The following SPTLC2 variants were observed in gnomAD, a reference collection of about 807,000 sequenced individuals.
SPTLC2 encodes the protein serine palmitoyltransferase long chain base subunit 2, also known as serine palmitoyltransferase 2.
In SPTLC2, 21 loss-of-function variants were observed where a neutral mutation model predicts 62.0. The ratio of observed to expected loss-of-function variants is 0.34; its 90% confidence interval spans 0.24 to 0.49. The LOEUF (loss-of-function observed/expected upper bound fraction) is 0.49. SPTLC2 is among the 20% of genes least tolerant of loss of function. The pLI, the probability that SPTLC2 is intolerant of heterozygous loss-of-function variation, is 0.99. For synonymous variants in SPTLC2, 261 were observed against 261.8 expected, an observed-to-expected ratio of 1.00 and a Z score of 0.03; for missense variants, 511 against 713.0, an observed-to-expected ratio of 0.72 and a Z score of 3.23.
At chr14:77,566,902 TG>T (rs1247627471) in intron 5 of SPTLC2, among the ~76,000 whole-genome samples, 1 of 152,228 alleles carries the variant, frequency 6.6e-6, no homozygotes, top group Non-Finnish European at 1.5e-5. Flanking sequence ...TCATTAAAAC[TG>T]GATAAGTTAC....
chr14:77,573,074 G>C (rs561539912), intron 4 of SPTLC2, among the ~76,000 whole-genome samples: 1 of 152,132 alleles, frequency 6.6e-6, no homozygotes, highest in Non-Finnish European at 1.5e-5. Context: ...ATTGCTTGGT[G>C]TAAGAGGCCT....
At chr14:77,555,750 G>A (rs1212930620) in intron 7 of SPTLC2, among the ~76,000 whole-genome samples, 1 of 151,828 alleles carries the variant, frequency 6.6e-6, no homozygotes, top group African/African-American at 2.4e-5. Flanking sequence ...CAAGTAGCTG[G>A]GACTAGAGGT....
At chr14:77,552,481 C>A (rs966524554) in intron 8 of SPTLC2, among the ~76,000 whole-genome samples, 2 of 152,090 alleles carry the variant, frequency 1.3e-5, no homozygotes, top group African/African-American at 4.8e-5. Flanking sequence ...TTTAAAACAA[C>A]CCCTCTAAAT....
At chr14:77,527,579 G>T (rs1243101129) in intron 9 of SPTLC2, among the ~76,000 whole-genome samples, 1 of 152,170 alleles carries the variant, frequency 6.6e-6, no homozygotes, top group Non-Finnish European at 1.5e-5. Context: ...ATTTTATCAA[G>T]TCTTAATCCA....
At chr14:77,522,651 A>G (rs934467196) in intron 9 of SPTLC2, among the ~76,000 whole-genome samples, 20 of 152,216 alleles carry the variant, frequency 1.3e-4, no homozygotes, top group African/African-American at 3.6e-4. Context: ...CTTTGAAAAG[A>G]TATCCAAACA....
At chr14:77,570,303 G>C (rs1039450719) in intron 5 of SPTLC2, 81 bp downstream of exon 5, 98 of 1,559,410 alleles carry the variant, frequency 6.3e-5, no homozygotes, top group Non-Finnish European at 7.7e-5. Flanking sequence ...GTTTATAACA[G>C]CTTTTAGCTC....
intron 9 of SPTLC2, among the ~76,000 whole-genome samples, chr14:77,543,210 C>A (rs991996659): frequency 6.6e-6 from 1 of 152,120 alleles, no homozygotes; most frequent in Admixed American, 6.6e-5. Context: ...CCACCACACC[C>A]GGCTAATTTT....
chr14:77,596,182 A>G (rs2079846014), intron 2 of SPTLC2, among the ~76,000 whole-genome samples: 1 of 151,872 alleles, frequency 6.6e-6, no homozygotes, highest in Non-Finnish European at 1.5e-5. Flanking sequence ...CTAAAAACAC[A>G]AAAAAAATTA....
At chr14:77,583,155 G>C (rs1042938612) in intron 2 of SPTLC2, among the ~76,000 whole-genome samples, 1 of 151,246 alleles carries the variant, frequency 6.6e-6, no homozygotes, top group African/African-American at 2.4e-5. Context: ...AGCCAAGATC[G>C]GACCACTGCA....
chr14:77,603,485 CT>C (rs1194247484), intron 1 of SPTLC2, among the ~76,000 whole-genome samples: 1 of 152,198 alleles, frequency 6.6e-6, no homozygotes, highest in African/African-American at 2.4e-5. Flanking sequence ...CAGTTTGGAG[CT>C]TTACACAAAT....
chr14:77,540,205 CAAAAAAAAAAA>C (rs34847653), intron 9 of SPTLC2, among the ~76,000 whole-genome samples: 1 of 87,716 alleles, frequency 1.1e-5, no homozygotes, highest in African/African-American at 4.3e-5. Flanking sequence ...ACTCTTGTCT[CAAAAAAAAAAA>C]AAAAAAAAAA....
intron 1 of SPTLC2, among the ~76,000 whole-genome samples, 165 bp downstream of exon 1, chr14:77,616,283 A>C (rs1047651912): frequency 5.9e-5 from 9 of 152,126 alleles, no homozygotes; most frequent in Non-Finnish European, 1.0e-4. Context: ...TTGAGCCTCC[A>C]GGCTCGTGGA....
At chr14:77,576,686 T>C (rs1305334820) in intron 4 of SPTLC2, 81 bp downstream of exon 4, 1 of 1,580,236 alleles carries the variant, frequency 6.3e-7, no homozygotes, top group Non-Finnish European at 8.7e-7. Flanking sequence ...TATTTAATAC[T>C]CTAGGTCAAT....
At chr14:77,604,438 T>C (rs966583008) in intron 1 of SPTLC2, among the ~76,000 whole-genome samples, 1 of 152,260 alleles carries the variant, frequency 6.6e-6, no homozygotes, top group Non-Finnish European at 1.5e-5. Flanking sequence ...ACTCAGTTTC[T>C]GTTGCTCTCA....
chr14:77,515,325 C>CCCA (rs2079353067), intron 11 of SPTLC2, among the ~76,000 whole-genome samples: 1 of 152,114 alleles, frequency 6.6e-6, no homozygotes, highest in South Asian at 2.1e-4. Flanking sequence ...CTTAGGGTCT[C>CCCA]CCAGTCCATT....
intron 9 of SPTLC2, among the ~76,000 whole-genome samples, chr14:77,528,783 T>A (rs2079421583): frequency 6.6e-6 from 1 of 151,772 alleles, no homozygotes; most frequent in Non-Finnish European, 1.5e-5. Flanking sequence ...GAATTGAAGC[T>A]AACTGTCAAT....
chr14:77,517,641 G>GGC (rs1260179939), intron 11 of SPTLC2, among the ~76,000 whole-genome samples: 7 of 152,174 alleles, frequency 4.6e-5, no homozygotes, highest in African/African-American at 1.7e-4. Flanking sequence ...GAAGGTGTGG[G>GGC]GCGCCCCTGA....
intron 5 of SPTLC2, among the ~76,000 whole-genome samples, chr14:77,565,356 A>G (rs1269751514): frequency 6.6e-6 from 1 of 152,138 alleles, no homozygotes; most frequent in African/African-American, 2.4e-5. Flanking sequence ...TGCTATATAC[A>G]GTCCCAAAGT....
rs573198699 is a variant in SPTLC2 at position 77,565,764 on chromosome 14, C to A, written c.757-3275G>T. ...CTGAAGCGGAAAAACTGGTGAAAAC[C>A]AAATACGTCCTGTACTTTAGTTATA... is the stretch of plus-strand genomic sequence containing the variant. On this transcript the variant is annotated intron_variant, in intron 5 of 11. Transcript: ENST00000216484. 6.7e-4 allele frequency among the ~76,000 whole-genome samples: 102 copies of A among 152,264 alleles called. 1 individual carries two copies. The highest frequency in any genetic ancestry group is 2.3e-3 in the African/African-American group (97 of 41,540).
Sources: gnomAD v4.1 joint callset for allele counts (sites outside exome capture counted in the v4.1 genomes callset) on GRCh38, gnomAD v4.1.1 for gene constraint, MANE v1.5 for transcripts, NCBI Gene and HGNC (gene_info 2026-07-23, HGNC 2026-07-21) for gene names.